The following EXD2 variants were observed in gnomAD, a reference collection of about 807,000 sequenced individuals.
The protein encoded by EXD2 is exonuclease 3'-5' domain containing 2, also known as exonuclease 3'-5' domain-containing protein 2.
Under a neutral mutation model 62.5 loss-of-function variants are expected in EXD2, and 40 were observed. The ratio of observed to expected loss-of-function variants is 0.64; its 90% CI spans 0.50 to 0.83. EXD2 has a LOEUF of 0.83. EXD2 is among the 40% of genes least tolerant of loss of function. EXD2 has a pLI of 0.00. For missense variants in EXD2, 671 were observed against 761.8 expected (o/e 0.88, Z 1.40); for synonymous variants, 239 against 291.9 (o/e 0.82, Z 1.85).
rs1171738350 is a variant in EXD2 at position 69,242,045 on chromosome 14, C to G, written c.*945C>G. 2 of 398,460 alleles carry G rather than the reference C, an allele frequency of 5.0e-6. No individual in the cohort carries two copies. The highest frequency in any genetic ancestry group is 2.1e-5 in the African/African-American group (1 of 48,628). The allele number at this position is 398,460 out of a possible 1,614,324, so 24.7% of individuals were successfully genotyped here. The stretch of plus-strand genomic sequence containing the variant: ...TAATTCACTCCCAGAGTCATCTGGT[C>G]AGGTTGCAATATGAGGACTTCTCTG... On this transcript the variant is annotated 3_prime_UTR_variant, in exon 10 of 10. Transcript: ENST00000685843.
intron 3 of EXD2, among the ~76,000 whole-genome samples, chr14:69,226,337 G>C (rs2043361204): frequency 6.6e-6 from 1 of 152,160 alleles, no homozygotes; most frequent in South Asian, 2.1e-4. Flanking sequence ...AGATCAAACT[G>C]GCATGCTTTC....
At chr14:69,218,514 C>T (rs1352714709) in intron 3 of EXD2, among the ~76,000 whole-genome samples, 3 of 152,262 alleles carry the variant, frequency 2.0e-5, no homozygotes, top group Non-Finnish European at 4.4e-5. Flanking sequence ...TTTTGCTGTG[C>T]AGAAGCTCTT....
At chr14:69,212,602 G>A (rs1179956007) in intron 3 of EXD2, among the ~76,000 whole-genome samples, 2 of 149,116 alleles carry the variant, frequency 1.3e-5, no homozygotes, top group African/African-American at 4.9e-5. Context: ...ACTGAACCTC[G>A]AACTCATGGG....
chr14:69,192,068 G>A (rs965945434), intron 1 of EXD2: 1 of 152,256 alleles, frequency 6.6e-6, no homozygotes, highest in Non-Finnish European at 1.5e-5. Context: ...TACCATCCCT[G>A]TCCTCCCAGA....
At chr14:69,206,458 T>TCG (rs2042602987) in intron 2 of EXD2, among the ~76,000 whole-genome samples, 1 of 34,110 alleles carries the variant, frequency 2.9e-5, no homozygotes, top group African/African-American at 1.0e-4. Flanking sequence ...CCACCCACTT[T>TCG]TTTTTTTTTT....
At chr14:69,198,259 T>C (rs961329564) in intron 1 of EXD2, among the ~76,000 whole-genome samples, 1 of 152,204 alleles carries the variant, frequency 6.6e-6, no homozygotes, top group Admixed American at 6.5e-5. Flanking sequence ...TTTCTAAAAG[T>C]TGGTTGATGA....
intron 2 of EXD2, among the ~76,000 whole-genome samples, chr14:69,207,781 C>T (rs190027035): frequency 6.6e-6 from 1 of 152,250 alleles, no homozygotes; most frequent in Non-Finnish European, 1.5e-5. Flanking sequence ...TTATCTTAAA[C>T]AAGCAAAGTA....
chr14:69,237,962 A>T, intron 9 of EXD2, 31 bp downstream of exon 9: 3 of 1,502,416 alleles, frequency 2.0e-6, no homozygotes, highest in Non-Finnish European at 2.7e-6. Context: ...GGAATGTACC[A>T]GGGACATTAA....
At chr14:69,231,705 C>T (rs2043585411) in intron 5 of EXD2, among the ~76,000 whole-genome samples, 1 of 152,140 alleles carries the variant, frequency 6.6e-6, no homozygotes, top group African/African-American at 2.4e-5. Flanking sequence ...AGCCCTCTAT[C>T]ATCTGGCTCC....
intron 1 of EXD2, among the ~76,000 whole-genome samples, chr14:69,202,691 C>T (rs1189429747): frequency 2.0e-5 from 3 of 152,012 alleles, no homozygotes; most frequent in Non-Finnish European, 2.9e-5. Flanking sequence ...TTAATAAAAC[C>T]GTATGTTAGG....
At chr14:69,208,581 T>C (rs1396580804) in intron 2 of EXD2, among the ~76,000 whole-genome samples, 4 of 152,262 alleles carry the variant, frequency 2.6e-5, no homozygotes, top group African/African-American at 9.6e-5. Flanking sequence ...TGTATACTCA[T>C]TTCTTTCTCA....
chr14:69,201,229 C>G (rs2042387793), intron 1 of EXD2, among the ~76,000 whole-genome samples: 1 of 151,692 alleles, frequency 6.6e-6, no homozygotes, highest in Admixed American at 6.6e-5. Flanking sequence ...TACTCTGTCC[C>G]CCAGGCTGGA....
At chr14:69,221,031 T>A (rs2043169525) in intron 3 of EXD2, among the ~76,000 whole-genome samples, 2 of 152,082 alleles carry the variant, frequency 1.3e-5, no homozygotes, top group South Asian at 4.1e-4. Context: ...CATGCCTGGC[T>A]AATCTTTTAA....
chr14:69,229,776 G>T (rs967067229), intron 4 of EXD2, among the ~76,000 whole-genome samples: 2 of 152,106 alleles, frequency 1.3e-5, no homozygotes, highest in African/African-American at 4.8e-5. Flanking sequence ...TAACAACGTG[G>T]ACTGAAACAG....
At chr14:69,206,460 T>TCG (rs2042603527) in intron 2 of EXD2, among the ~76,000 whole-genome samples, 1 of 46,858 alleles carries the variant, frequency 2.1e-5, no homozygotes, top group Non-Finnish European at 4.1e-5. Flanking sequence ...ACCCACTTTT[T>TCG]TTTTTTTTTT....
chr14:69,199,354 A>C (rs1333134887), intron 1 of EXD2, among the ~76,000 whole-genome samples: 2 of 152,216 alleles, frequency 1.3e-5, no homozygotes, highest in African/African-American at 2.4e-5. Flanking sequence ...GTGAATGTGA[A>C]GGCTTAGGAC....
At chr14:69,235,142 C>G in intron 6 of EXD2, 111 bp downstream of exon 6, 1 of 950,558 alleles carries the variant, frequency 1.1e-6, no homozygotes, top group Non-Finnish European at 1.5e-6. Flanking sequence ...AGCAGCAGCT[C>G]TCCCGGGGTT....
chr14:69,238,005 AG>A, intron 9 of EXD2, 74 bp downstream of exon 9: 8 of 1,371,552 alleles, frequency 5.8e-6, no homozygotes, highest in South Asian at 1.4e-5. Context: ...CTTGCCAGGG[AG>A]GGGGCATTGG....
Position 69,200,385 on chromosome 14 carries a change from G to A in EXD2, c.-131-3532G>A, listed in dbSNP as rs115880362. ...GCACAGCAGTGTGAATGTACTTATT[G>A]TCATTGAATTGTACACTTAAAAATG... On this transcript the variant is annotated intron_variant, in intron 1 of 9. Coordinates refer to ENST00000685843, the MANE Select transcript of EXD2 (RefSeq NM_001193360.2). Among the ~76,000 whole-genome samples, 807 of 152,180 alleles carry A rather than the reference G, an allele frequency of 5.3e-3. 7 individuals are homozygous for A. The highest frequency in any genetic ancestry group is 0.018 in the African/African-American group (767 of 41,524).
Sources: allele counts gnomAD v4.1 joint callset (sites outside exome capture counted in the v4.1 genomes callset), GRCh38; gene constraint gnomAD v4.1.1; transcripts MANE v1.5; gene names NCBI Gene and HGNC (gene_info 2026-07-23, HGNC 2026-07-21).